Variants in HUNK observed in about 807,000 individuals in gnomAD.
HUNK encodes hormonally up-regulated Neu-associated kinase, also known as hormonally up-regulated neu tumor-associated kinase.
HUNK carries 21 observed loss-of-function variants against 61.0 expected under a neutral mutation model. That is an observed-to-expected ratio of 0.34 (90% CI 0.24 to 0.50). HUNK has a LOEUF of 0.50. HUNK is among the 20% of genes least tolerant of loss of function. The pLI is 0.98. For missense variants in HUNK, 772 were observed against 945.7 expected, an observed-to-expected ratio of 0.82 and a Z score of 2.41; for synonymous variants, 371 against 386.1, an observed-to-expected ratio of 0.96 and a Z score of 0.46.
intron 1 of HUNK, among the ~76,000 whole-genome samples, chr21:31,889,936 TA>T (rs554551245): frequency 6.6e-6 from 1 of 152,160 alleles, no homozygotes; most frequent in African/African-American, 2.4e-5. Context: ...CATTTATTTT[TA>T]AAAAGTCTAA....
At chr21:31,986,381 A>C (rs2053133244) in intron 8 of HUNK, among the ~76,000 whole-genome samples, 1 of 151,052 alleles carries the variant, frequency 6.6e-6, no homozygotes, top group Non-Finnish European at 1.5e-5. Context: ...CTCCATCCCC[A>C]CACCTGGTCC....
intron 6 of HUNK, among the ~76,000 whole-genome samples, chr21:31,969,804 T>G (rs1483834248): frequency 6.6e-6 from 1 of 152,130 alleles, no homozygotes; most frequent in African/African-American, 2.4e-5. Context: ...TGGGCTCAAG[T>G]GATCCTCCTG....
At chr21:31,997,542 A>G (rs556489929) in intron 10 of HUNK, among the ~76,000 whole-genome samples, 9 of 152,242 alleles carry the variant, frequency 5.9e-5, no homozygotes, top group Non-Finnish European at 1.2e-4. Context: ...GGTTAGATTC[A>G]TAGAGACAGG....
intron 1 of HUNK, among the ~76,000 whole-genome samples, chr21:31,894,468 AC>A (rs1315041591): frequency 6.6e-6 from 1 of 152,024 alleles, no homozygotes; most frequent in African/African-American, 2.4e-5. Flanking sequence ...AATAAAACAA[AC>A]GTTACCTTTA....
chr21:31,992,732 C>A (rs908709103), intron 9 of HUNK, among the ~76,000 whole-genome samples: 1 of 152,230 alleles, frequency 6.6e-6, no homozygotes, highest in Admixed American at 6.5e-5. Flanking sequence ...ATTTAGCATC[C>A]TGCTCCCTAG....
chr21:31,969,842 T>C (rs958010011), intron 6 of HUNK, among the ~76,000 whole-genome samples: 1 of 152,212 alleles, frequency 6.6e-6, no homozygotes, highest in Admixed American at 6.5e-5. Flanking sequence ...ATTACAGGCT[T>C]GAGCCACTGT....
At position 32,000,408 on chromosome 21, in the gene HUNK, T is replaced by C. The variant is rs1015165434; in HGVS notation, c.*1224T>C. 20 of 399,132 alleles carry C rather than the reference T, an allele frequency of 5.0e-5. No homozygotes were observed. Among genetic ancestry groups the C allele is most frequent in the African/African-American group, 4.1e-4 (20 of 48,764 alleles). 24.7% of individuals were successfully genotyped at this position (399,132 alleles called of 1,614,324 possible). On this transcript the variant is annotated 3_prime_UTR_variant, in exon 11 of 11. Transcript: ENST00000270112. Reference sequence around the variant, plus strand: ...CTTTCTCCAAGGATCGAACCAAAGATGTGTCTCCAGTATTGTGTCTGTGCC... The same window carrying C: ...CTTTCTCCAAGGATCGAACCAAAGACGTGTCTCCAGTATTGTGTCTGTGCC...
intron 9 of HUNK, among the ~76,000 whole-genome samples, chr21:31,991,345 A>C (rs1001593750): frequency 6.6e-6 from 1 of 152,030 alleles, no homozygotes; most frequent in African/African-American, 2.4e-5. Flanking sequence ...CAACCTCTCA[A>C]GTACCTGGGA....
chr21:31,894,094 A>G (rs2052409553), intron 1 of HUNK, among the ~76,000 whole-genome samples: 2 of 152,158 alleles, frequency 1.3e-5, no homozygotes, highest in African/African-American at 4.8e-5. Context: ...GTGAGAATAG[A>G]GTATTGATTG....
intron 8 of HUNK, among the ~76,000 whole-genome samples, chr21:31,988,352 TA>T (rs1264485284): frequency 1.2e-4 from 18 of 152,300 alleles, no homozygotes; most frequent in African/African-American, 4.3e-4. Context: ...AATGTTAATT[TA>T]TAGGAAAATG....
intron 3 of HUNK, among the ~76,000 whole-genome samples, chr21:31,945,230 C>A (rs2052793993): frequency 6.6e-6 from 1 of 152,162 alleles, no homozygotes; most frequent in African/African-American, 2.4e-5. Context: ...AGTAACAGCT[C>A]TTTAATTACC....
intron 4 of HUNK, among the ~76,000 whole-genome samples, chr21:31,948,237 C>A (rs999701808): frequency 2.6e-5 from 4 of 152,194 alleles, no homozygotes; most frequent in African/African-American, 9.6e-5. Context: ...AAGGCATGCC[C>A]GCTCCCCTCC....
At chr21:31,995,557 A>G (rs2053198577) in intron 9 of HUNK, among the ~76,000 whole-genome samples, 1 of 152,204 alleles carries the variant, frequency 6.6e-6, no homozygotes, top group African/African-American at 2.4e-5. Flanking sequence ...ACTGGGGTCC[A>G]TTGAAGGCCT....
At chr21:31,892,129 T>C (rs2052391345) in intron 1 of HUNK, among the ~76,000 whole-genome samples, 1 of 140,640 alleles carries the variant, frequency 7.1e-6, no homozygotes, top group African/African-American at 2.7e-5. Flanking sequence ...TACCTCATGG[T>C]ATTCAATGAG....
chr21:31,925,917 C>T (rs1568926829), intron 2 of HUNK, among the ~76,000 whole-genome samples: 1 of 133,736 alleles, frequency 7.5e-6, no homozygotes, highest in Non-Finnish European at 1.6e-5. Context: ...TGAGAACAAC[C>T]AGAAATATTT....
chr21:31,930,078 C>G (rs1488704022), intron 2 of HUNK, among the ~76,000 whole-genome samples: 1 of 152,198 alleles, frequency 6.6e-6, no homozygotes, highest in Non-Finnish European at 1.5e-5. Context: ...TGAGCTCTTG[C>G]AAAGCTCCAG....
At chr21:31,952,375 G>A (rs570333234) in intron 4 of HUNK, among the ~76,000 whole-genome samples, 1 of 152,170 alleles carries the variant, frequency 6.6e-6, no homozygotes, top group Non-Finnish European at 1.5e-5. Flanking sequence ...ATCTCCCGAA[G>A]GTCCTCTTGG....
chr21:31,944,166 G>C (rs762956158), intron 3 of HUNK, among the ~76,000 whole-genome samples: 22 of 152,190 alleles, frequency 1.4e-4, no homozygotes, highest in Admixed American at 3.3e-4. Context: ...TGCAACTTTT[G>C]CCTCTTGGGT....
At chr21:31,961,262 G>T (rs1217757193) in intron 5 of HUNK, among the ~76,000 whole-genome samples, 1 of 151,840 alleles carries the variant, frequency 6.6e-6, no homozygotes, top group Non-Finnish European at 1.5e-5. Context: ...AGTATCTCCT[G>T]GTGTGGATAT....
Sources: allele counts gnomAD v4.1 joint callset (sites outside exome capture counted in the v4.1 genomes callset), GRCh38; gene constraint gnomAD v4.1.1; transcripts MANE v1.5; gene names NCBI Gene and HGNC (gene_info 2026-07-23, HGNC 2026-07-21).